Variants in BRSK2 observed in about 807,000 individuals in gnomAD.
The protein encoded by BRSK2 is serine/threonine-protein kinase BRSK2.
Under a neutral mutation model 83.3 loss-of-function variants are expected in BRSK2, and 19 were observed. The observed-to-expected ratio is 0.23, with a 90% CI of 0.16 to 0.33. The LOEUF is 0.33. Among genes scored for constraint, BRSK2 ranks in the 10% least tolerant of loss-of-function variants. The pLI is 1.00. For synonymous variants in BRSK2, 519 were observed against 435.4 expected (o/e 1.19, Z -2.39); for missense variants, 798 against 1,042.3 (o/e 0.77, Z 3.23).
intron 1 of BRSK2, among the ~76,000 whole-genome samples, chr11:1,402,796 G>A (rs1247680115): frequency 3.9e-5 from 6 of 152,178 alleles, no homozygotes; most frequent in African/African-American, 1.2e-4. Flanking sequence ...GCTGACACAC[G>A]GGGAGGGAAC....
intron 1 of BRSK2, among the ~76,000 whole-genome samples, chr11:1,417,307 C>T (rs780190699): frequency 2.6e-5 from 4 of 152,336 alleles, no homozygotes; most frequent in Middle Eastern, 6.8e-3. Flanking sequence ...TGCTTTGGTG[C>T]TTGTCAGGAT....
chr11:1,436,250 G>GGCGGCGCCCCCCCCC, intron 2 of BRSK2, 116 bp downstream of exon 2: 1 of 168,876 alleles, frequency 5.9e-6, no homozygotes, highest in Non-Finnish European at 9.5e-6. Flanking sequence ...GGGGGGGCGG[G>GGCGGCGCCCCCCCCC]CCCTGCAGGC....
At chr11:1,455,310 C>A (rs1166885729) in intron 16 of BRSK2, among the ~76,000 whole-genome samples, 2 of 138,620 alleles carry the variant, frequency 1.4e-5, no homozygotes, top group African/African-American at 5.2e-5. Context: ...GGCTGCCCCC[C>A]ACCCGCCTCC....
chr11:1,408,675 T>TA (rs1847087200), intron 1 of BRSK2, among the ~76,000 whole-genome samples: 1 of 152,282 alleles, frequency 6.6e-6, no homozygotes, highest in African/African-American at 2.4e-5. Context: ...CGCTGGTCCT[T>TA]ACTAGATCTG....
rs1775628331 is a variant in BRSK2 at position 1,460,908 on chromosome 11, T to C, written c.*185T>C. Reference sequence around the variant, plus strand: ...CTGCGCCACCCGCGCCCGCTCTCTTTTCTCTCTGTCTCTGCCTCTGCCTGT... The same window carrying C: ...CTGCGCCACCCGCGCCCGCTCTCTTCTCTCTCTGTCTCTGCCTCTGCCTGT... On this transcript the variant is annotated 3_prime_UTR_variant, in exon 20 of 20. Transcript: ENST00000528841. 3.7e-6 allele frequency: 6 copies of C among 1,610,616 alleles called. No homozygotes were observed. The highest frequency in any genetic ancestry group is 1.7e-5 in the Admixed American group (1 of 59,830).
chr11:1,459,061 C>T (rs1847041146), intron 18 of BRSK2, 131 bp from the exon 19 acceptor site: 1 of 842,388 alleles, frequency 1.2e-6, no homozygotes, highest in Non-Finnish European at 1.9e-6. Context: ...CAGTATTCCC[C>T]ACCCATGCCT....
chr11:1,398,599 A>G (rs1846267902), intron 1 of BRSK2, among the ~76,000 whole-genome samples: 1 of 152,176 alleles, frequency 6.6e-6, no homozygotes, highest in Non-Finnish European at 1.5e-5. Context: ...AACTTTCTGC[A>G]GAGCGCAGGG....
At chr11:1,448,920 G>A (rs1442276277) in intron 12 of BRSK2, among the ~76,000 whole-genome samples, 1 of 152,238 alleles carries the variant, frequency 6.6e-6, no homozygotes, top group Admixed American at 6.5e-5. Flanking sequence ...CTCGTGGCCG[G>A]CTGGCGGTGG....
chr11:1,419,190 T>C (rs1848406281), intron 1 of BRSK2, among the ~76,000 whole-genome samples: 3 of 148,012 alleles, frequency 2.0e-5, no homozygotes, highest in African/African-American at 7.5e-5. Flanking sequence ...GCTCTGCAGG[T>C]GCGTGTCAGG....
intron 16 of BRSK2, among the ~76,000 whole-genome samples, chr11:1,455,314 C>G (rs564383322): frequency 4.1e-5 from 6 of 146,982 alleles, no homozygotes; most frequent in African/African-American, 7.5e-5. Flanking sequence ...GCCCCCCACC[C>G]GCCTCCCCCA....
rs1847528000 is a variant in BRSK2 at position 1,461,781 on chromosome 11, G to GGGGGCGCCGCT, written c.*1064_*1074dup. On this transcript the variant is annotated 3_prime_UTR_variant, in exon 20 of 20. Coordinates refer to ENST00000528841, the MANE Select transcript of BRSK2 (RefSeq NM_001256627.2). ...GGTTTTTGGAAAAGGGTGTGGGGGT[G>GGGGGCGCCGCT]GGGGCGCCGCTGGGGCAGGGCCAGG... is the stretch of plus-strand genomic sequence containing the variant. The GGGGGCGCCGCT allele has an allele frequency of 6.6e-6, 1 of 151,954 alleles. No homozygotes were observed. The highest frequency in any genetic ancestry group is 1.5e-5 in the Non-Finnish European group (1 of 68,014). 9.4% of individuals were successfully genotyped at this position (151,954 alleles called of 1,614,324 possible). A position where few individuals can be genotyped will look rare whatever the true frequency, so the allele number is the denominator to read the frequency against.
chr11:1,447,729 C>T, intron 12 of BRSK2: 3 of 1,471,896 alleles, frequency 2.0e-6, no homozygotes, highest in East Asian at 2.4e-5. Flanking sequence ...GTGGCCCGGG[C>T]CCTGGGGGCC....
At position 1,423,682 on chromosome 11, in the gene BRSK2, G is replaced by A. The variant is rs1321455143; in HGVS notation, c.92-12358G>A. 7.1e-6 allele frequency among the ~76,000 whole-genome samples: 1 copy of A among 140,316 alleles called. No individual in the cohort carries two copies. The highest frequency in any genetic ancestry group is 3.0e-5 in the African/African-American group (1 of 33,128). The allele number at this position is 140,316 out of a possible 152,430, so 92.1% of individuals were successfully genotyped here. ...CCCTGCCCCAAGCCTCCCCCGCTGG[G>A]CGTTCCGGGTGCCCCAGGCCTCCCC... On this transcript the variant is annotated intron_variant, in intron 1 of 19. Transcript: ENST00000528841. This position sits in a 1 kb window ranked among gnomAD's most constrained non-coding sequence, Gnocchi z 6.5.
In BRSK2 at chr11:1,427,067, A is replaced by T. The variant is rs558710426; in HGVS notation, c.92-8973A>T. On this transcript the variant is annotated intron_variant, in intron 1 of 19. Coordinates refer to ENST00000528841, the MANE Select transcript of BRSK2 (RefSeq NM_001256627.2). ...TGCCCCAGGGCCCCCTACCCAAACTAAAGAGCAGCCCGTCCAGCCCTAGGC... is the reference window on the plus strand; with the variant it reads ...TGCCCCAGGGCCCCCTACCCAAACTTAAGAGCAGCCCGTCCAGCCCTAGGC... Among the ~76,000 whole-genome samples the T allele has an allele frequency of 2.4e-3, 373 of 152,264 alleles. 3 individuals carry two copies. The highest frequency in any genetic ancestry group is 8.7e-3 in the African/African-American group (363 of 41,538).
chr11:1,394,368 C>T lies in BRSK2; in HGVS notation c.91+3993C>T, dbSNP rs1392134418. ...CCTGGAGATGGGTCCTGGAGATGGG[C>T]CATGGAGATGGGCCATGGAGATGGG... On this transcript the variant is annotated intron_variant, in intron 1 of 19. Transcript: ENST00000528841. 1.4e-4 allele frequency among the ~76,000 whole-genome samples: 11 copies of T among 79,466 alleles called. 1 individual carries two copies. The highest frequency in any genetic ancestry group is 5.5e-4 in the African/African-American group (8 of 14,630). The allele number at this position is 79,466 out of a possible 152,430, so 52.1% of individuals were successfully genotyped here.
intron 12 of BRSK2, among the ~76,000 whole-genome samples, 171 bp from the exon 13 acceptor site, chr11:1,449,605 G>A (rs1358187264): frequency 6.6e-6 from 1 of 152,090 alleles, no homozygotes; most frequent in Non-Finnish European, 1.5e-5. Flanking sequence ...GCACAGCCAG[G>A]CGCCCTGGGC....
At chr11:1,442,817 T>G (rs3902811) in intron 5 of BRSK2, among the ~76,000 whole-genome samples, 26,218 of 151,984 alleles carry the variant, frequency 0.17, 2,977 homozygotes, top group Non-Finnish European at 0.24. Flanking sequence ...GGTACAGCCC[T>G]GGCCCTGGCC....
intron 13 of BRSK2, 100 bp from the exon 14 acceptor site, chr11:1,450,487 C>G (rs905505021): frequency 8.0e-6 from 5 of 624,318 alleles, no homozygotes; most frequent in South Asian, 4.2e-5. Flanking sequence ...GCCTTTGTCC[C>G]CAGCTGGCAC....
In BRSK2 at chr11:1,409,085, GGTGTGTGTACACACATCTGT is replaced by G. The variant is rs565005380; in HGVS notation, c.91+18716_91+18735del. On this transcript the variant is annotated intron_variant, in intron 1 of 19. Transcript: ENST00000528841. ...GTGTGTATGTGTGTGCCTGTGTAAG[GGTGTGTGTACACACATCTGT>G]GTGTGCCGTCTGACCCTGGAGGCAT... Among the ~76,000 whole-genome samples the G allele has an allele frequency of 5.5e-4, 84 of 152,248 alleles. No homozygotes were observed. The East Asian group carries it at 0.014, about 24-fold the overall frequency.
Sources: allele counts gnomAD v4.1 joint callset (sites outside exome capture counted in the v4.1 genomes callset), GRCh38; gene constraint gnomAD v4.1.1; non-coding constraint Gnocchi (gnomAD v3.1); transcripts MANE v1.5; gene names NCBI Gene and HGNC (gene_info 2026-07-23, HGNC 2026-07-21).